The following SHISA5 variants were observed in gnomAD, a reference collection of about 807,000 sequenced individuals.
SHISA5 encodes shisa family member 5.
Under a neutral mutation model 27.5 loss-of-function variants are expected in SHISA5, and 21 were observed. The ratio of observed to expected loss-of-function variants is 0.76; its 90% confidence interval spans 0.54 to 1.10. The LOEUF (loss-of-function observed/expected upper bound fraction) is 1.10, where lower values mean the gene tolerates loss of function less well. SHISA5 is among the 50% of genes least tolerant of loss of function. The probability of loss-of-function intolerance (pLI) is 0.00; values close to 1 mark genes in which losing one functional copy is unlikely to be tolerated. For synonymous variants in SHISA5, 137 were observed against 142.2 expected, an observed-to-expected ratio of 0.96 and a Z score of 0.26; for missense variants, 314 against 336.3, an observed-to-expected ratio of 0.93 and a Z score of 0.52.
chr3:48,474,713 T>C lies in SHISA5; in HGVS notation c.314+4464A>G, dbSNP rs561333114. Among the ~76,000 whole-genome samples the C allele has an allele frequency of 1.1e-4, 16 of 152,276 alleles. No homozygotes were observed. In the South Asian group the frequency reaches 3.1e-3, roughly 30 times the overall value. On this transcript the variant is annotated intron_variant, in intron 3 of 5. Coordinates refer to ENST00000296444, the MANE Select transcript of SHISA5 (RefSeq NM_016479.6). ...ATGTGTGGTCTGGAACTGCCCCCTCTCCTTCAACCTCTGTGCTGAGTCCCA... is the reference window on the plus strand; with the variant it reads ...ATGTGTGGTCTGGAACTGCCCCCTCCCCTTCAACCTCTGTGCTGAGTCCCA...
chr3:48,497,210 G>A (rs1303560437), intron 2 of SHISA5, among the ~76,000 whole-genome samples: 1 of 150,408 alleles, frequency 6.6e-6, no homozygotes, highest in African/African-American at 2.4e-5. Flanking sequence ...CCAGTCTGCT[G>A]TCTGTCTTGC....
chr3:48,485,529 T>A (rs1560128025), intron 2 of SHISA5, among the ~76,000 whole-genome samples: 1 of 142,586 alleles, frequency 7.0e-6, no homozygotes, highest in Non-Finnish European at 1.5e-5. Flanking sequence ...ATATATATAT[T>A]AAATATATAT....
chr3:48,476,915 C>A lies in SHISA5; in HGVS notation c.314+2262G>T, dbSNP rs561746483. On this transcript the variant is annotated intron_variant, in intron 3 of 5. Transcript: ENST00000296444. ...ACGAGGCCCAGTGCTATGCACACCA[C>A]GGCGGCAGCTGGGCTAACAGAACAG... The A allele has an allele frequency of 1.1e-5, 4 of 359,014 alleles. No individual in the cohort carries two copies. In the Admixed American group the frequency reaches 1.5e-4, roughly 14 times the overall value. 22.2% of individuals were successfully genotyped at this position (359,014 alleles called of 1,614,324 possible).
Position 48,503,726 on chromosome 3 carries a change from C to T in SHISA5, c.76+293G>A. The T allele has an allele frequency of 2.5e-6, 3 of 1,206,958 alleles. 1 individual carries two copies. Among genetic ancestry groups the T allele is most frequent in the South Asian group, 6.8e-5 (2 of 29,322 alleles). The allele number at this position is 1,206,958 out of a possible 1,614,324, so 74.8% of individuals were successfully genotyped here. A position where few individuals can be genotyped will look rare whatever the true frequency, so the allele number is the denominator to read the frequency against. On this transcript the variant is annotated intron_variant, in intron 1 of 5. Transcript: ENST00000296444. Reference sequence around the variant, plus strand: ...AGCCAGGCAGGGAACCCTACCCTAGCCTCTGGGGACTCCATCCCCTGGAAC... The same window carrying T: ...AGCCAGGCAGGGAACCCTACCCTAGTCTCTGGGGACTCCATCCCCTGGAAC...
intron 1 of SHISA5, chr3:48,503,105 G>A: frequency 7.8e-7 from 1 of 1,289,772 alleles, no homozygotes; most frequent in Non-Finnish European, 1.0e-6. Context: ...CTGAAAGCTG[G>A]TATCATCAGC....
rs200474267 is a variant in SHISA5, at chr3:48,498,596, A to G, written c.233+2541T>C. On this transcript the variant is annotated intron_variant, in intron 2 of 5. Transcript: ENST00000296444. ...CAGCTACATGGGAAGCTGAGGCAGG[A>G]TAATTGCTTGAACCTGGCAGGTGGA... 3.5e-4 allele frequency among the ~76,000 whole-genome samples: 53 copies of G among 150,288 alleles called. 2 individuals are homozygous for G. The East Asian group carries it at 8.5e-3, about 24-fold the overall frequency.
chr3:48,488,507 G>A (rs1385472198), intron 2 of SHISA5, among the ~76,000 whole-genome samples: 5 of 148,326 alleles, frequency 3.4e-5, no homozygotes, highest in African/African-American at 4.9e-5. Context: ...GATTACAGGC[G>A]TGAGCCACCG....
In SHISA5 at chr3:48,494,036, C is replaced by T. The variant is rs2041491762; in HGVS notation, c.233+7101G>A. Among the ~76,000 whole-genome samples, 2 of 147,068 alleles carry T rather than the reference C, an allele frequency of 1.4e-5. 1 individual carries two copies. The highest frequency in any genetic ancestry group is 5.4e-5 in the African/African-American group (2 of 36,924). On this transcript the variant is annotated intron_variant, in intron 2 of 5. Coordinates refer to ENST00000296444, the MANE Select transcript of SHISA5 (RefSeq NM_016479.6). The stretch of plus-strand genomic sequence containing the variant: ...ACAACATATTATTATAAACTATAGT[C>T]ACCATTATGATGTACAATAGATCTC...
chr3:48,498,678 G>A (rs2041647717), intron 2 of SHISA5, among the ~76,000 whole-genome samples: 1 of 123,166 alleles, frequency 8.1e-6, no homozygotes. Flanking sequence ...GACACAGACT[G>A]TCTCCAGAAA....
At chr3:48,487,112 A>G (rs980686426) in intron 2 of SHISA5, among the ~76,000 whole-genome samples, 2 of 148,950 alleles carry the variant, frequency 1.3e-5, no homozygotes, top group Admixed American at 6.6e-5. Context: ...CCATAGGCGC[A>G]CACACACACA....
rs1480912281 is a variant in SHISA5 at position 48,468,282 on chromosome 3, G to A, written c.*825C>T. 3 of 1,015,260 alleles carry A rather than the reference G, an allele frequency of 3.0e-6. No individual in the cohort carries two copies. Among genetic ancestry groups the A allele is most frequent in the African/African-American group, 1.7e-5 (1 of 57,756 alleles). The allele number at this position is 1,015,260 out of a possible 1,614,324, so 62.9% of individuals were successfully genotyped here. A position where few individuals can be genotyped will look rare whatever the true frequency, so the allele number is the denominator to read the frequency against. On this transcript the variant is annotated 3_prime_UTR_variant, in exon 6 of 6. Coordinates refer to ENST00000296444, the MANE Select transcript of SHISA5 (RefSeq NM_016479.6). ...TAAAATAAAATGAAAACACTGCAGGGAAGAGAACTGAGTGTGCTGGTGGAC... is the reference window on the plus strand; with the variant it reads ...TAAAATAAAATGAAAACACTGCAGGAAAGAGAACTGAGTGTGCTGGTGGAC...
intron 2 of SHISA5, among the ~76,000 whole-genome samples, chr3:48,494,448 C>A (rs1472954688): frequency 1.4e-5 from 2 of 146,344 alleles, no homozygotes; most frequent in Admixed American, 1.3e-4. Flanking sequence ...CAGGCGTGCA[C>A]CACCACCAGC....
chr3:48,488,350 C>T (rs975469979), intron 2 of SHISA5, among the ~76,000 whole-genome samples: 4 of 150,472 alleles, frequency 2.7e-5, no homozygotes, highest in Admixed American at 2.0e-4. Flanking sequence ...CCCTTAGCCT[C>T]CCGAGTAGCT....
Position 48,503,893 on chromosome 3 carries a change from T to G in SHISA5, c.76+126A>C, listed in dbSNP as rs1436317771. On this transcript the variant is annotated intron_variant, in intron 1 of 5. Coordinates refer to ENST00000296444, the MANE Select transcript of SHISA5 (RefSeq NM_016479.6). ...CAGTCGTGGGGGTTCGCTGACGGCC[T>G]CGGGGCAATCAGGGGTCAGTGGGGG... 4.6e-6 allele frequency: 6 copies of G among 1,317,322 alleles called. No individual in the cohort carries two copies. The East Asian group carries it at 1.9e-4, about 41-fold the overall frequency. 81.6% of individuals were successfully genotyped at this position (1,317,322 alleles called of 1,614,324 possible).
intron 2 of SHISA5, 48 bp downstream of exon 2, chr3:48,501,089 G>T: frequency 6.4e-7 from 1 of 1,559,556 alleles, no homozygotes; most frequent in Non-Finnish European, 8.7e-7. Flanking sequence ...ACTCTCCTGT[G>T]GGGCACAGGC....
chr3:48,493,746 T>C lies in SHISA5; in HGVS notation c.233+7391A>G, dbSNP rs2041487686. On this transcript the variant is annotated intron_variant, in intron 2 of 5. Transcript: ENST00000296444. ...TGGGGTTTCACCATGTTGCCCAGAC[T>C]GGTCTTGAACTCCTGACCTCATGTG... 1.4e-5 allele frequency among the ~76,000 whole-genome samples: 2 copies of C among 146,128 alleles called. 1 individual carries two copies. Among genetic ancestry groups the C allele is most frequent in the African/African-American group, 5.5e-5 (2 of 36,432 alleles).
intron 3 of SHISA5, chr3:48,476,964 G>A (rs1250216522): frequency 7.3e-6 from 3 of 410,928 alleles, no homozygotes; most frequent in Non-Finnish European, 1.4e-5. Flanking sequence ...ACCTTGGGGA[G>A]TCAGAGGTGC....
chr3:48,481,354 G>C (rs2041005186), intron 2 of SHISA5, among the ~76,000 whole-genome samples: 1 of 151,540 alleles, frequency 6.6e-6, no homozygotes. Flanking sequence ...GCAGAGAACT[G>C]CTTGAACCCG....
At chr3:48,475,971 G>A (rs959880305) in intron 3 of SHISA5, among the ~76,000 whole-genome samples, 2 of 152,190 alleles carry the variant, frequency 1.3e-5, no homozygotes, top group Non-Finnish European at 1.5e-5. Context: ...ATCCTCCTGC[G>A]GCAGGGGTTC....
Sources: gnomAD v4.1 joint callset for allele counts (sites outside exome capture counted in the v4.1 genomes callset) on GRCh38, gnomAD v4.1.1 for gene constraint, MANE v1.5 for transcripts, NCBI Gene and HGNC (gene_info 2026-07-23, HGNC 2026-07-21) for gene names.